The following SLC30A8 variants were observed in gnomAD, a reference collection of about 807,000 sequenced individuals.
The protein encoded by SLC30A8 is proton-coupled zinc antiporter SLC30A8.
A neutral mutation model predicts 36.9 loss-of-function variants in SLC30A8; 27 were observed. That is an observed-to-expected ratio of 0.73 (90% confidence interval 0.54 to 1.01). SLC30A8 has a LOEUF of 1.01. SLC30A8 is among the 50% of genes least tolerant of loss of function. The pLI is 0.00. For missense variants in SLC30A8, 439 were observed against 452.0 expected (o/e 0.97, Z 0.26); for synonymous variants, 164 against 172.4 (o/e 0.95, Z 0.38).
At chr8:117,157,089 C>T (rs1822528154) in intron 3 of SLC30A8, among the ~76,000 whole-genome samples, 3 of 152,194 alleles carry the variant, frequency 2.0e-5, no homozygotes, top group Admixed American at 2.0e-4. Context: ...TTGATGTAAA[C>T]ACTTCTATTC....
At chr8:117,145,866 A>T (rs1004637349) in intron 1 of SLC30A8, among the ~76,000 whole-genome samples, 1 of 152,208 alleles carries the variant, frequency 6.6e-6, no homozygotes, top group African/African-American at 2.4e-5. Flanking sequence ...AGCCAAGCAC[A>T]GAAAGACAAA....
chr8:117,165,266 CATT>C (rs770955194), intron 6 of SLC30A8, among the ~76,000 whole-genome samples: 56 of 152,256 alleles, frequency 3.7e-4, no homozygotes, highest in Admixed American at 5.9e-4. Context: ...AAATAAATGG[CATT>C]ATGTCTAGAA....
intron 4 of SLC30A8, among the ~76,000 whole-genome samples, chr8:117,160,232 G>C (rs867899875): frequency 2.0e-5 from 3 of 152,314 alleles, no homozygotes; most frequent in Non-Finnish European, 4.4e-5. Context: ...CAGCCTTAAG[G>C]CTATTGCCTG....
chr8:117,149,251 A>ACTT (rs1365671958), intron 2 of SLC30A8, among the ~76,000 whole-genome samples: 2 of 152,184 alleles, frequency 1.3e-5, no homozygotes, highest in African/African-American at 4.8e-5. Context: ...TTTACTTTTG[A>ACTT]CTTTGTTTTT....
At chr8:117,130,670 G>A (rs1821093509), upstream of SLC30A8, among the ~76,000 whole-genome samples, 1 of 151,846 alleles carries the variant, frequency 6.6e-6, no homozygotes, top group Non-Finnish European at 1.5e-5. Context: ...TAGGTTCTTT[G>A]TAATCCTCTC....
At position 117,171,118 on chromosome 8, in the gene SLC30A8, T is replaced by G; in HGVS notation, c.914T>G (p.Ile305Ser). 1.9e-6 allele frequency: 3 copies of G among 1,613,516 alleles called. No individual in the cohort carries two copies. The highest frequency in any genetic ancestry group is 3.3e-5 in the Admixed American group (2 of 59,970). The change falls in exon 7 of 8, where the codon ATC becomes AGC. Residue 305 changes from isoleucine to serine, a missense_variant. Ile to Ser is a moderately radical substitution (Grantham distance 142, BLOSUM62 -2). Transcript: ENST00000456015. ...DGVLSVHSLH[I>S]WSLTMNQVIL... ...GTGCTGTCTGTGCACAGCCTGCACATCTGGTCTCTAACAATGAATCAAGTA... is the reference window on the plus strand; with the variant it reads ...GTGCTGTCTGTGCACAGCCTGCACAGCTGGTCTCTAACAATGAATCAAGTA...
intron 1 of SLC30A8, among the ~76,000 whole-genome samples, chr8:116,991,505 A>T (rs189464212): frequency 2.4e-4 from 36 of 152,210 alleles, no homozygotes; most frequent in Non-Finnish European, 2.1e-4. Context: ...GGGTTTCACC[A>T]TGTTGGCCAG....
At chr8:117,026,235 T>C (rs1312399496) in intron 1 of SLC30A8, among the ~76,000 whole-genome samples, 2 of 152,234 alleles carry the variant, frequency 1.3e-5, no homozygotes, top group African/African-American at 4.8e-5. Flanking sequence ...AACGTAGTTC[T>C]AATCATTGCA....
intron 2 of SLC30A8, among the ~76,000 whole-genome samples, chr8:117,101,961 TC>T (rs1350687488): frequency 2.0e-5 from 3 of 152,156 alleles, no homozygotes; most frequent in Non-Finnish European, 4.4e-5. Flanking sequence ...ATTAGTTCTG[TC>T]CCTCTAGAGA....
At position 117,172,517 on chromosome 8, in the gene SLC30A8, T is replaced by C; in HGVS notation, c.965-19T>C. On this transcript the variant is annotated intron_variant, in intron 7 of 7. Transcript: ENST00000456015. ...CGTGTGCAATCAGTGCTAATCTCCCTGTGCTTCTTTATCAACAGCAGCCAG... is the reference window on the plus strand; with the variant it reads ...CGTGTGCAATCAGTGCTAATCTCCCCGTGCTTCTTTATCAACAGCAGCCAG... 1.2e-6 allele frequency: 2 copies of C among 1,613,494 alleles called. No individual in the cohort carries two copies. Among genetic ancestry groups the C allele is most frequent in the Non-Finnish European group, 1.7e-6 (2 of 1,179,594 alleles).
At chr8:116,954,401 C>T (rs1814113413) in intron 1 of SLC30A8, among the ~76,000 whole-genome samples, 1 of 152,140 alleles carries the variant, frequency 6.6e-6, no homozygotes, top group Admixed American at 6.5e-5. Flanking sequence ...ATAGAATCAT[C>T]ATAAATGTCA....
At chr8:117,118,746 C>T (rs983984602) in intron 2 of SLC30A8, among the ~76,000 whole-genome samples, 2 of 151,884 alleles carry the variant, frequency 1.3e-5, no homozygotes, top group African/African-American at 2.4e-5. Context: ...AAGCATACCT[C>T]CTCACTTGAA....
At chr8:116,974,737 C>G (rs536027823) in intron 1 of SLC30A8, among the ~76,000 whole-genome samples, 1 of 151,978 alleles carries the variant, frequency 6.6e-6, no homozygotes, top group Non-Finnish European at 1.5e-5. Flanking sequence ...CACATGCACA[C>G]GTATGTTTAT....
In SLC30A8 at chr8:117,070,191, C is replaced by G. The variant is rs183083151; in HGVS notation, c.-226+30933C>G. On this transcript the variant is annotated intron_variant, in intron 2 of 10. Transcript: ENST00000427715. ...AAAACAGCACCAAAATCTAATGAAT[C>G]AAATAATGACAGATTTTTTTTTCTC... Among the ~76,000 whole-genome samples the G allele has an allele frequency of 3.3e-5, 5 of 152,254 alleles. No homozygotes were observed. The East Asian group carries it at 9.6e-4, about 29-fold the overall frequency.
intron 2 of SLC30A8, among the ~76,000 whole-genome samples, chr8:117,061,955 G>A (rs958007173): frequency 5.3e-5 from 8 of 152,154 alleles, no homozygotes; most frequent in Non-Finnish European, 1.2e-4. Flanking sequence ...ACTGTGGCAG[G>A]GTGTTATGTT....
At chr8:117,071,880 C>A (rs1047326094) in intron 2 of SLC30A8, among the ~76,000 whole-genome samples, 1 of 152,032 alleles carries the variant, frequency 6.6e-6, no homozygotes, top group African/African-American at 2.4e-5. Flanking sequence ...TCCCATTAGC[C>A]TATCTCCCAC....
chr8:117,157,377 C>T (rs955577818), intron 3 of SLC30A8, among the ~76,000 whole-genome samples: 1 of 152,064 alleles, frequency 6.6e-6, no homozygotes, highest in African/African-American at 2.4e-5. Flanking sequence ...ATTTTAGCAC[C>T]TGTTTAAATT....
Position 117,153,164 on chromosome 8 carries a change from C to T in SLC30A8, c.418+74C>T, listed in dbSNP as rs1563630357. 6 of 1,408,316 alleles carry T rather than the reference C, an allele frequency of 4.3e-6. No individual in the cohort carries two copies. The South Asian group carries it at 5.2e-5, about 12-fold the overall frequency. 87.2% of individuals were successfully genotyped at this position (1,408,316 alleles called of 1,614,324 possible). ...AAACCAAGGGTAAAAGTGGAAGACA[C>T]GAAGCAAAGCCTTGTTGGAAAGTCC... On this transcript the variant is annotated intron_variant, in intron 3 of 7. Transcript: ENST00000456015.
chr8:117,032,468 A>G (rs1353775026), intron 1 of SLC30A8, among the ~76,000 whole-genome samples: 1 of 152,248 alleles, frequency 6.6e-6, no homozygotes, highest in African/African-American at 2.4e-5. Flanking sequence ...AGCTTCTAAA[A>G]GCCAGTTGGC....
Sources: allele counts gnomAD v4.1 joint callset (sites outside exome capture counted in the v4.1 genomes callset), GRCh38; gene constraint gnomAD v4.1.1; transcripts MANE v1.5; gene names NCBI Gene and HGNC (gene_info 2026-07-23, HGNC 2026-07-21).